Variants in OPCML observed in about 807,000 individuals in gnomAD.
OPCML encodes opioid binding protein/cell adhesion molecule like.
Under a neutral mutation model 37.8 loss-of-function variants are expected in OPCML, and 13 were observed. The ratio of observed to expected loss-of-function variants is 0.34; its 90% CI spans 0.22 to 0.55. The LOEUF (loss-of-function observed/expected upper bound fraction) is 0.55. Ranked by LOEUF, OPCML falls within the 20% of genes least tolerant of loss-of-function variation. The probability of loss-of-function intolerance (pLI) is 0.91; values close to 1 mark genes in which losing one functional copy is unlikely to be tolerated. For synonymous variants in OPCML, 176 were observed against 168.8 expected (o/e 1.04, Z -0.33); for missense variants, 341 against 435.6 (o/e 0.78, Z 1.93).
At chr11:132,557,945 A>T (rs1292977056) in intron 3 of OPCML, among the ~76,000 whole-genome samples, 2 of 152,150 alleles carry the variant, frequency 1.3e-5, no homozygotes, top group African/African-American at 4.8e-5. Context: ...TGAAAAAACA[A>T]TGTCTTCTAT....
intron 1 of OPCML, among the ~76,000 whole-genome samples, chr11:133,228,604 C>T (rs568969938): frequency 2.0e-5 from 3 of 152,340 alleles, no homozygotes; most frequent in Non-Finnish European, 4.4e-5. Context: ...CGGGCCTCCC[C>T]GTCCTAGAGC....
intron 7 of OPCML, among the ~76,000 whole-genome samples, chr11:132,430,285 G>C (rs2095992161): frequency 6.6e-6 from 1 of 152,112 alleles, no homozygotes; most frequent in African/African-American, 2.4e-5. Flanking sequence ...CGAGAAGATG[G>C]AGGGGGAAGA....
At chr11:132,590,288 A>G (rs2096482235) in intron 3 of OPCML, among the ~76,000 whole-genome samples, 2 of 152,176 alleles carry the variant, frequency 1.3e-5, no homozygotes, top group Non-Finnish European at 2.9e-5. Context: ...TTTGAATAAA[A>G]TGAACATGGG....
intron 1 of OPCML, among the ~76,000 whole-genome samples, chr11:133,429,857 G>T (rs1055553054): frequency 3.3e-5 from 5 of 152,132 alleles, no homozygotes; most frequent in South Asian, 2.1e-4. Context: ...ATGTTGAGAA[G>T]GTTGTTGTAT....
chr11:133,207,920 C>T (rs1442669619), intron 1 of OPCML, among the ~76,000 whole-genome samples: 4 of 152,136 alleles, frequency 2.6e-5, no homozygotes, highest in African/African-American at 7.2e-5. Context: ...TTTTACTTCG[C>T]CGCAGGGTCT....
At chr11:133,525,995 G>T (rs1019660488) in intron 1 of OPCML, among the ~76,000 whole-genome samples, 1 of 152,172 alleles carries the variant, frequency 6.6e-6, no homozygotes, top group Non-Finnish European at 1.5e-5. Flanking sequence ...TTGCCCAGGG[G>T]GTTCTCAAAG....
At chr11:133,227,888 A>C (rs1940107818) in intron 1 of OPCML, among the ~76,000 whole-genome samples, 1 of 152,126 alleles carries the variant, frequency 6.6e-6, no homozygotes, top group Non-Finnish European at 1.5e-5. Flanking sequence ...GGGCCCTGTG[A>C]CCACATGCAA....
chr11:132,778,793 G>A (rs138759895), intron 2 of OPCML, among the ~76,000 whole-genome samples: 76 of 152,124 alleles, frequency 5.0e-4, no homozygotes, highest in African/African-American at 1.8e-3. Flanking sequence ...AAAGTCATAG[G>A]CTCAATTCGT....
chr11:132,895,963 T>A (rs1027784671), intron 2 of OPCML, among the ~76,000 whole-genome samples: 1 of 152,154 alleles, frequency 6.6e-6, no homozygotes, highest in African/African-American at 2.4e-5. Context: ...TGGGGAATGC[T>A]TGTGGGAATG....
At chr11:132,873,716 A>C (rs763079893) in intron 2 of OPCML, among the ~76,000 whole-genome samples, 1,318 of 46,828 alleles carry the variant, frequency 0.028, 13 homozygotes, top group Non-Finnish European at 0.043. Flanking sequence ...AGTTGGGCAC[A>C]AAAAAAAAAA....
intron 1 of OPCML, among the ~76,000 whole-genome samples, chr11:133,448,703 C>T (rs140816653): frequency 2.6e-5 from 4 of 152,256 alleles, no homozygotes; most frequent in African/African-American, 7.2e-5. Flanking sequence ...GGTGATCGCC[C>T]GCCTCAGCGT....
At chr11:133,024,878 T>C (rs1410706292) in intron 1 of OPCML, 1 of 985,310 alleles carries the variant, frequency 1.0e-6, no homozygotes, top group Non-Finnish European at 1.2e-6. Context: ...CCAGTGATTT[T>C]CCAAAATAGA....
Position 133,024,834 on chromosome 11 carries a change from G to A in OPCML, c.62-81824C>T, listed in dbSNP as rs1043633909. On this transcript the variant is annotated intron_variant, in intron 1 of 7. Coordinates refer to ENST00000524381, the MANE Select transcript of OPCML (RefSeq NM_001012393.5). ...TCTATCACTGCCTGGGTGACCTGGT[G>A]AGGGAAAGGACCTGCTTTCATGTCC... 4 of 985,284 alleles carry A rather than the reference G, an allele frequency of 4.1e-6. No individual in the cohort carries two copies. The African/African-American group carries it at 5.2e-5, about 13-fold the overall frequency. The allele number at this position is 985,284 out of a possible 1,614,324, so 61.0% of individuals were successfully genotyped here.
At chr11:133,169,433 T>C (rs1016744471) in intron 1 of OPCML, among the ~76,000 whole-genome samples, 4 of 152,238 alleles carry the variant, frequency 2.6e-5, no homozygotes, top group Non-Finnish European at 5.9e-5. Flanking sequence ...TAGGCACTAA[T>C]CTCTGCCAAT....
In OPCML at chr11:132,416,910, C is replaced by T. The variant is rs2095940732; in HGVS notation, c.*3283G>A. ...TTAAACTACTGAAAAACAAGCTTGGCTGCAGCCTTAACACGAGCACTTTCA... is the reference window on the plus strand; with the variant it reads ...TTAAACTACTGAAAAACAAGCTTGGTTGCAGCCTTAACACGAGCACTTTCA... On this transcript the variant is annotated 3_prime_UTR_variant, in exon 8 of 8. Transcript: ENST00000524381. The T allele has an allele frequency of 6.6e-6, 1 of 152,572 alleles. No homozygotes were observed. Among genetic ancestry groups the T allele is most frequent in the Non-Finnish European group, 1.5e-5 (1 of 68,038 alleles). The allele number at this position is 152,572 out of a possible 1,614,324, so 9.5% of individuals were successfully genotyped here.
chr11:132,737,876 G>A (rs773943028), intron 2 of OPCML, among the ~76,000 whole-genome samples: 16 of 152,184 alleles, frequency 1.1e-4, no homozygotes, highest in Non-Finnish European at 2.1e-4. Flanking sequence ...GATCAAAAGT[G>A]GAAACAGTGG....
chr11:132,724,389 C>T (rs1467659692), intron 2 of OPCML, among the ~76,000 whole-genome samples: 1 of 152,090 alleles, frequency 6.6e-6, no homozygotes, highest in African/African-American at 2.4e-5. Flanking sequence ...CTTATATAAC[C>T]ATGAGATCTC....
chr11:133,167,629 GGCTA>G lies in OPCML; in HGVS notation c.62-224623_62-224620del, dbSNP rs532467724. ...TCCCAAATTTCACCTTGAGTGCCCTGGCTACCTCTTTCTGCATAATCTCCAGGGT... is the reference window on the plus strand; with the variant it reads ...TCCCAAATTTCACCTTGAGTGCCCTGCCTCTTTCTGCATAATCTCCAGGGT... On this transcript the variant is annotated intron_variant, in intron 1 of 7. Coordinates refer to ENST00000524381, the MANE Select transcript of OPCML (RefSeq NM_001012393.5). Among the ~76,000 whole-genome samples the G allele has an allele frequency of 3.2e-4, 49 of 151,706 alleles. 1 individual carries two copies. In the South Asian group the frequency reaches 1.0e-2, roughly 31 times the overall value.
intron 7 of OPCML, among the ~76,000 whole-genome samples, chr11:132,432,460 C>T (rs2096000435): frequency 6.6e-6 from 1 of 152,144 alleles, no homozygotes; most frequent in African/African-American, 2.4e-5. Context: ...ACATCTTATC[C>T]AAAATGCCTT....
Sources: allele counts gnomAD v4.1 joint callset (sites outside exome capture counted in the v4.1 genomes callset), GRCh38; gene constraint gnomAD v4.1.1; transcripts MANE v1.5; gene names NCBI Gene and HGNC (gene_info 2026-07-23, HGNC 2026-07-21).